Variants in MEF2D observed in about 807,000 individuals in gnomAD.
MEF2D encodes the protein myocyte enhancer factor 2D.
A neutral mutation model predicts 59.3 loss-of-function variants in MEF2D; 10 were observed. The observed-to-expected ratio is 0.17, with a 90% CI of 0.10 to 0.29. The LOEUF (loss-of-function observed/expected upper bound fraction) is 0.29, where lower values mean the gene tolerates loss of function less well. Among genes scored for constraint, MEF2D ranks in the 10% least tolerant of loss-of-function variants. The pLI, the probability that MEF2D is intolerant of heterozygous loss-of-function variation, is 1.00. For missense variants in MEF2D, 508 were observed against 699.4 expected (o/e 0.73, Z 3.09); for synonymous variants, 305 against 295.0 (o/e 1.03, Z -0.35).
rs1671485550 is a variant in MEF2D at position 156,475,173 on chromosome 1, A to G, written c.941T>C (p.Val314Ala). The G allele has an allele frequency of 1.9e-6, 3 of 1,614,108 alleles. No homozygotes were observed. The African/African-American group carries it at 4.0e-5, about 22-fold the overall frequency. The change falls in exon 9 of 12, where the codon GTG (valine) becomes GCG (alanine). Residue 314 changes from valine (V) to alanine (A), a missense_variant. This residue lies in a region of MEF2D where 481 missense variants were observed against 584.7 expected (regional missense o/e 0.82). Transcript: ENST00000348159. ...CTGGCTGAGTAAACTCGGCGTTGCC[A>G]CAGAAACCACTGGGGTGGTGAGCGA... ...THSLTTPVVS[V>A]ATPSLLSQGL...
At chr1:156,479,904 T>A (rs1671879375) in intron 4 of MEF2D, 108 bp from the exon 5 acceptor site, 2 of 1,094,452 alleles carry the variant, frequency 1.8e-6, no homozygotes, top group South Asian at 2.8e-5. Flanking sequence ...GGGCTACGCA[T>A]CCTAGGGCCA....
intron 1 of MEF2D, among the ~76,000 whole-genome samples, chr1:156,489,369 G>T (rs1672596342): frequency 6.6e-6 from 1 of 152,172 alleles, no homozygotes; most frequent in Non-Finnish European, 1.5e-5. Flanking sequence ...CACTAACGAG[G>T]GAGGAGGCGT....
At chr1:156,498,025 A>G (rs977040209) in intron 1 of MEF2D, among the ~76,000 whole-genome samples, 1 of 142,944 alleles carries the variant, frequency 7.0e-6, no homozygotes, top group Non-Finnish European at 1.5e-5. Flanking sequence ...CTTCCTTACT[A>G]CTGCTCCTTT....
intron 2 of MEF2D, among the ~76,000 whole-genome samples, chr1:156,482,850 A>G (rs6663537): frequency 0.061 from 9,289 of 152,196 alleles, 985 homozygotes; most frequent in African/African-American, 0.21. Flanking sequence ...CCCAGAGCCC[A>G]CTCACTGAAG....
At chr1:156,475,897 G>A (rs1459113450) in intron 8 of MEF2D, among the ~76,000 whole-genome samples, 2 of 152,230 alleles carry the variant, frequency 1.3e-5, no homozygotes, top group African/African-American at 4.8e-5. Flanking sequence ...AGGAAAATGA[G>A]CAGCTGTGCA....
In MEF2D at chr1:156,466,300, CA is replaced by C. The variant is rs147940265; in HGVS notation, c.*1344del. On this transcript the variant is annotated 3_prime_UTR_variant, in exon 12 of 12. Transcript: ENST00000348159. ...TCATTTCATATCAATACAACAACAA[CA>C]AAAAAAAACAGTTTCCTGGACTGTT... is the stretch of plus-strand genomic sequence containing the variant. The C allele has an allele frequency of 1.3e-5, 2 of 151,038 alleles. No individual in the cohort carries two copies. The highest frequency in any genetic ancestry group is 2.1e-4 in the South Asian group (1 of 4,776). 9.4% of individuals were successfully genotyped at this position (151,038 alleles called of 1,614,324 possible). A position where few individuals can be genotyped will look rare whatever the true frequency, so the allele number is the denominator to read the frequency against.
In MEF2D at chr1:156,479,619, A is replaced by C. The variant is rs1250068350; in HGVS notation, c.574T>G (p.Ser192Ala). 1 of 1,552,410 alleles carries C rather than the reference A, an allele frequency of 6.4e-7. No homozygotes were observed. The highest frequency in any genetic ancestry group is 1.4e-5 in the African/African-American group (1 of 73,184). Reference sequence around the variant, plus strand: ...GCTGGCCGCTGGGGCAGGCCAGGAGACACACTGTTCCTCTGTAGTGCTGGC... The same window carrying C: ...GCTGGCCGCTGGGGCAGGCCAGGAGCCACACTGTTCCTCTGTAGTGCTGGC... ...QQPALQRNSV[S>A]PGLPQRPASA... Residue 192 changes from serine (S) to alanine (A), a missense_variant, in exon 5 of 12, where the codon TCT becomes GCT. Physicochemically the swap from Ser to Ala is moderately conservative, Grantham distance 99. This residue lies in a region of MEF2D where 481 missense variants were observed against 584.7 expected (regional missense o/e 0.82). Coordinates refer to ENST00000348159, the MANE Select transcript of MEF2D (RefSeq NM_005920.4).
chr1:156,474,979 G>C, intron 9 of MEF2D, 129 bp downstream of exon 9: 1 of 1,329,488 alleles, frequency 7.5e-7, no homozygotes, highest in Non-Finnish European at 1.0e-6. Flanking sequence ...CCATAAGTAG[G>C]TGGGGGTTCC....
chr1:156,493,739 A>G (rs538721933), intron 1 of MEF2D, among the ~76,000 whole-genome samples: 1 of 152,044 alleles, frequency 6.6e-6, no homozygotes, highest in Non-Finnish European at 1.5e-5. Context: ...CCTTGCCATT[A>G]CTATGATCTG....
intron 3 of MEF2D, among the ~76,000 whole-genome samples, chr1:156,481,534 C>G (rs1672017789): frequency 6.6e-6 from 1 of 152,318 alleles, no homozygotes; most frequent in East Asian, 1.9e-4. Context: ...ACTGTGACCA[C>G]CCTACATTCT....
chr1:156,476,255 A>G (rs186391775), intron 8 of MEF2D, among the ~76,000 whole-genome samples: 8 of 152,220 alleles, frequency 5.3e-5, no homozygotes, highest in Admixed American at 6.5e-5. Context: ...ACATAATACC[A>G]CATGCAGACA....
At chr1:156,498,811 C>T (rs905562521) in intron 1 of MEF2D, among the ~76,000 whole-genome samples, 6 of 152,118 alleles carry the variant, frequency 3.9e-5, no homozygotes, top group African/African-American at 1.4e-4. Context: ...GCTCCAGTGT[C>T]CCCCAATCAC....
At chr1:156,496,527 G>A (rs1042319034) in intron 1 of MEF2D, among the ~76,000 whole-genome samples, 2 of 152,082 alleles carry the variant, frequency 1.3e-5, no homozygotes, top group African/African-American at 4.8e-5. Flanking sequence ...TGCAGACAGG[G>A]CTCTGCCTGC....
At position 156,479,811 on chromosome 1, in the gene MEF2D, G is replaced by A. The variant is rs1386199585; in HGVS notation, c.397-15C>T. The A allele has an allele frequency of 1.9e-6, 3 of 1,551,008 alleles. No individual in the cohort carries two copies. Among genetic ancestry groups the A allele is most frequent in the Non-Finnish European group, 1.7e-6 (2 of 1,146,628 alleles). On this transcript the variant is annotated splice_polypyrimidine_tract_variant and intron_variant, in intron 4 of 11. Coordinates refer to ENST00000348159, the MANE Select transcript of MEF2D (RefSeq NM_005920.4). ...GGGACAGTTGACTAGACAGAAAGAT[G>A]GAGGGGCAGGATCAGGCCAGGTTGA...
At chr1:156,481,761 G>GT (rs370627487) in intron 3 of MEF2D, among the ~76,000 whole-genome samples, 81 of 152,336 alleles carry the variant, frequency 5.3e-4, no homozygotes, top group African/African-American at 1.8e-3. Flanking sequence ...GTCAGCACAA[G>GT]TTCTGTATCC....
intron 1 of MEF2D, among the ~76,000 whole-genome samples, chr1:156,490,087 C>T (rs1314272545): frequency 6.6e-6 from 1 of 152,162 alleles, no homozygotes; most frequent in African/African-American, 2.4e-5. Context: ...TCTTCCTTCA[C>T]AAAAGAAGTG....
intron 7 of MEF2D, 69 bp downstream of exon 7, chr1:156,476,943 G>A (rs1452501706): frequency 6.4e-7 from 1 of 1,565,304 alleles, no homozygotes; most frequent in Admixed American, 1.7e-5. Flanking sequence ...CCTGCTAGAG[G>A]TCTGCTCTTT....
intron 8 of MEF2D, 76 bp downstream of exon 8, chr1:156,476,418 C>A: frequency 6.5e-7 from 1 of 1,533,986 alleles, no homozygotes; most frequent in Non-Finnish European, 9.0e-7. Flanking sequence ...AGGACGCACA[C>A]GTACTTCATG....
rs141916595 is a variant in MEF2D, at chr1:156,473,560, G to A, written c.1006+1548C>T. On this transcript the variant is annotated intron_variant, in intron 9 of 11. Coordinates refer to ENST00000348159, the MANE Select transcript of MEF2D (RefSeq NM_005920.4). Reference sequence around the variant, plus strand: ...CCACATGAATGCTCTGAAACAAGGGGACAAGGCGTTTCCTTACTGGCAAGT... The same window carrying A: ...CCACATGAATGCTCTGAAACAAGGGAACAAGGCGTTTCCTTACTGGCAAGT... Among the ~76,000 whole-genome samples the A allele has an allele frequency of 5.5e-3, 832 of 152,342 alleles. 6 individuals are homozygous for A. The highest frequency in any genetic ancestry group is 0.029 in the South Asian group (141 of 4,830).
Sources: allele counts gnomAD v4.1 joint callset (sites outside exome capture counted in the v4.1 genomes callset), GRCh38; gene constraint gnomAD v4.1.1; regional missense constraint gnomAD v4.1.1; transcripts MANE v1.5; gene names NCBI Gene and HGNC (gene_info 2026-07-23, HGNC 2026-07-21).